The following ZW10 variants were observed in gnomAD, a reference collection of about 807,000 sequenced individuals.
ZW10 encodes centromere/kinetochore protein zw10 homolog.
A neutral mutation model predicts 87.8 loss-of-function variants in ZW10; 53 were observed. The ratio of observed to expected loss-of-function variants is 0.60; its 90% confidence interval spans 0.48 to 0.76. ZW10 has a LOEUF of 0.76. Among genes scored for constraint, ZW10 ranks in the 30% least tolerant of loss-of-function variants. The pLI is 0.00. For missense variants in ZW10, 837 were observed against 923.0 expected (o/e 0.91, Z 1.21); for synonymous variants, 312 against 329.2 (o/e 0.95, Z 0.57).
intron 7 of ZW10, among the ~76,000 whole-genome samples, chr11:113,751,764 T>G (rs2134880705): frequency 6.6e-6 from 1 of 152,082 alleles, no homozygotes; most frequent in Non-Finnish European, 1.5e-5. Context: ...TCCCAGCTAC[T>G]CAGGAGGCTG....
chr11:113,737,043 T>C (rs1452058568), intron 14 of ZW10, among the ~76,000 whole-genome samples: 1 of 152,224 alleles, frequency 6.6e-6, no homozygotes, highest in Non-Finnish European at 1.5e-5. Context: ...TAATTTAGTT[T>C]GCCTGCATGA....
intron 7 of ZW10, among the ~76,000 whole-genome samples, chr11:113,755,955 A>G (rs569835508): frequency 9.9e-5 from 15 of 152,230 alleles, no homozygotes; most frequent in Non-Finnish European, 2.2e-4. Context: ...CACTTAATAG[A>G]CAACAGTACA....
chr11:113,771,799 C>T (rs901671676), intron 1 of ZW10: 1 of 152,062 alleles, frequency 6.6e-6, no homozygotes, highest in African/African-American at 2.4e-5. Context: ...TCCAGAGTAG[C>T]TGGGGATTAC....
chr11:113,758,024 T>C (rs1669200287), intron 6 of ZW10, among the ~76,000 whole-genome samples, 171 bp from the exon 7 acceptor site: 4 of 151,850 alleles, frequency 2.6e-5, no homozygotes, highest in Admixed American at 2.6e-4. Context: ...ATACAAAAAT[T>C]AGCTGGGCAT....
intron 12 of ZW10, 129 bp from the exon 13 acceptor site, chr11:113,738,523 C>T (rs931513542): frequency 2.4e-6 from 2 of 846,834 alleles, no homozygotes; most frequent in African/African-American, 3.5e-5. Flanking sequence ...TAGATAATAT[C>T]ATAAAGCTGC....
Position 113,743,956 on chromosome 11 carries a change from T to C in ZW10, c.1357A>G (p.Thr453Ala), listed in dbSNP as rs765502464. ...NKLEVQKVSN[T>A]QYHEVMNLEP... Reference sequence around the variant, plus strand: ...AAATTCATCACTTCGTGGTACTGAGTATTGGATACTTTCTGTACTTCCAGT... The same window carrying C: ...AAATTCATCACTTCGTGGTACTGAGCATTGGATACTTTCTGTACTTCCAGT... Residue 453 changes from threonine to alanine, a missense_variant, in exon 10 of 16, where the codon ACT becomes GCT. Transcript: ENST00000200135. 1 of 1,614,190 alleles carries C rather than the reference T, an allele frequency of 6.2e-7. No homozygotes were observed. Among genetic ancestry groups the C allele is most frequent in the Non-Finnish European group, 8.5e-7 (1 of 1,180,030 alleles).
intron 7 of ZW10, among the ~76,000 whole-genome samples, chr11:113,752,445 G>T (rs1213004437): frequency 6.6e-6 from 1 of 152,122 alleles, no homozygotes. Flanking sequence ...CACAGATACT[G>T]GTTTTTGGGG....
intron 13 of ZW10, among the ~76,000 whole-genome samples, 192 bp from the exon 14 acceptor site, chr11:113,737,895 A>T (rs141602777): frequency 7.2e-5 from 11 of 152,364 alleles, no homozygotes; most frequent in Admixed American, 2.0e-4. Context: ...CAGACTCATC[A>T]ACCTGAGGAT....
At chr11:113,757,107 T>TAA (rs112995495) in intron 7 of ZW10, among the ~76,000 whole-genome samples, 1 of 137,034 alleles carries the variant, frequency 7.3e-6, no homozygotes, top group Non-Finnish European at 1.6e-5. Context: ...CAAATAGACT[T>TAA]AAAAAAAAAA....
In ZW10 at chr11:113,736,620, C is replaced by T. The variant is rs772120726; in HGVS notation, c.2219G>A (p.Arg740Gln). 9.9e-6 allele frequency: 16 copies of T among 1,614,076 alleles called. 1 individual carries two copies. Among genetic ancestry groups the T allele is most frequent in the Admixed American group, 3.3e-5 (2 of 60,014 alleles). Reference sequence around the variant, plus strand: ...GCCTCTATAGAAGGGTTATACATACCGATCCCCAATTTCTTGCAAGCTGGC... The same window carrying T: ...GCCTCTATAGAAGGGTTATACATACTGATCCCCAATTTCTTGCAAGCTGGC... ...LQASLQEIGD[R>Q]WADGKGPLAA... The change falls in exon 15 of 16, where the codon CGG (arginine) becomes CAG (glutamine). Residue 740 changes from arginine to glutamine, a missense_variant and splice_region_variant. Coordinates refer to ENST00000200135, the MANE Select transcript of ZW10 (RefSeq NM_004724.4).
At chr11:113,764,423 C>T (rs1953892137) in intron 2 of ZW10, among the ~76,000 whole-genome samples, 1 of 152,164 alleles carries the variant, frequency 6.6e-6, no homozygotes, top group Non-Finnish European at 1.5e-5. Context: ...GATGTGACAG[C>T]ATTGAATCTA....
intron 15 of ZW10, among the ~76,000 whole-genome samples, chr11:113,734,944 T>C (rs1021908282): frequency 6.6e-6 from 1 of 152,054 alleles, no homozygotes; most frequent in Non-Finnish European, 1.5e-5. Context: ...GTAAATGGGG[T>C]AGAACTATAA....
At chr11:113,760,691 T>TAAAAAAA in intron 3 of ZW10, 101 bp from the exon 4 acceptor site, 1 of 747,974 alleles carries the variant, frequency 1.3e-6, no homozygotes, top group Non-Finnish European at 1.9e-6. Flanking sequence ...CTCCCCCCTC[T>TAAAAAAA]AAAAAAAAAA....
Position 113,768,884 on chromosome 11 carries a change from C to T in ZW10, c.189G>A (p.Val63=). 1.2e-6 allele frequency: 2 copies of T among 1,614,176 alleles called. No individual in the cohort carries two copies. Among genetic ancestry groups the T allele is most frequent in the South Asian group, 2.2e-5 (2 of 91,078 alleles). Residue 63 remains valine (V), a synonymous_variant, in exon 2 of 16, where the codon GTG becomes GTA. Transcript: ENST00000200135. ...MQSAQGLITQ[V]DKLSEDIDLL... ...GGTCAATGTCTTCAGATAGCTTATC[C>T]ACCTGGGTAATCAGGCCCTGCGCGC...
intron 6 of ZW10, 68 bp from the exon 7 acceptor site, chr11:113,757,921 T>C: frequency 7.5e-7 from 1 of 1,340,478 alleles, no homozygotes; most frequent in South Asian, 1.7e-5. Flanking sequence ...CACAGTGGCT[T>C]ACATCTGTAA....
intron 5 of ZW10, among the ~76,000 whole-genome samples, chr11:113,759,765 G>A (rs1953837180): frequency 6.6e-6 from 1 of 152,148 alleles, no homozygotes; most frequent in Non-Finnish European, 1.5e-5. Context: ...CTACCCACAA[G>A]CCTACTGATC....
intron 2 of ZW10, 118 bp downstream of exon 2, chr11:113,768,715 C>A: frequency 9.3e-7 from 1 of 1,075,118 alleles, no homozygotes; most frequent in Non-Finnish European, 1.3e-6. Context: ...AGTTCAATCT[C>A]CATTTACCAA....
At chr11:113,750,040 T>A (rs570459090) in intron 7 of ZW10, among the ~76,000 whole-genome samples, 1 of 152,350 alleles carries the variant, frequency 6.6e-6, no homozygotes, top group African/African-American at 2.4e-5. Context: ...TTGTAATAGG[T>A]AGTTGAACTG....
chr11:113,739,158 T>G, intron 12 of ZW10, 55 bp downstream of exon 12: 1 of 1,581,936 alleles, frequency 6.3e-7, no homozygotes, highest in Admixed American at 1.8e-5. Flanking sequence ...ATAAAGATAC[T>G]ATGTTGACAA....
Sources: gnomAD v4.1 joint callset for allele counts (sites outside exome capture counted in the v4.1 genomes callset) on GRCh38, gnomAD v4.1.1 for gene constraint, MANE v1.5 for transcripts, NCBI Gene and HGNC (gene_info 2026-07-23, HGNC 2026-07-21) for gene names.